The following NTRK3 variants were observed in gnomAD, a reference collection of about 807,000 sequenced individuals.
NTRK3 encodes NT-3 growth factor receptor.
In NTRK3, 24 loss-of-function variants were observed where a neutral mutation model predicts 91.7. The observed-to-expected ratio is 0.26, with a 90% CI of 0.19 to 0.37. NTRK3 has a LOEUF of 0.37. NTRK3 is among the 10% of genes least tolerant of loss of function. The pLI is 1.00. For missense variants in NTRK3, 880 were observed against 1,068.9 expected (o/e 0.82, Z 2.46); for synonymous variants, 483 against 404.0 (o/e 1.20, Z -2.34).
chr15:87,891,753 T>A (rs777998546), intron 17 of NTRK3, among the ~76,000 whole-genome samples: 2 of 152,122 alleles, frequency 1.3e-5, no homozygotes, highest in Non-Finnish European at 2.9e-5. Flanking sequence ...GCACTTTGAT[T>A]GTTTCCAGTC....
chr15:88,061,875 T>G (rs562830860), intron 13 of NTRK3, among the ~76,000 whole-genome samples: 1 of 152,260 alleles, frequency 6.6e-6, no homozygotes, highest in South Asian at 2.1e-4. Context: ...CAGTTTCCTT[T>G]CTGAGCCTCA....
At chr15:88,104,127 T>C (rs971797379) in intron 13 of NTRK3, among the ~76,000 whole-genome samples, 5 of 152,176 alleles carry the variant, frequency 3.3e-5, no homozygotes, top group African/African-American at 1.2e-4. Flanking sequence ...CTTTATAGAA[T>C]ATTTTACTAC....
intron 13 of NTRK3, among the ~76,000 whole-genome samples, chr15:88,088,512 T>C (rs2048714104): frequency 6.6e-6 from 1 of 152,148 alleles, no homozygotes; most frequent in South Asian, 2.1e-4. Context: ...GCAATAATAG[T>C]AGTAATTGTA....
intron 13 of NTRK3, among the ~76,000 whole-genome samples, chr15:88,113,512 C>T (rs534998984): frequency 2.6e-5 from 4 of 152,136 alleles, no homozygotes; most frequent in South Asian, 2.1e-4. Flanking sequence ...GATGGAGTTT[C>T]GCCATGTTGG....
chr15:88,082,755 C>A (rs1001823742), intron 13 of NTRK3, among the ~76,000 whole-genome samples: 5 of 152,158 alleles, frequency 3.3e-5, no homozygotes, highest in Non-Finnish European at 7.3e-5. Context: ...CCCAAGAGAC[C>A]TACAGGTCCC....
Position 87,875,074 on chromosome 15 carries a change from A to G in NTRK3, c.*1861T>C, listed in dbSNP as rs1178007754. 3.5e-5 allele frequency: 8 copies of G among 230,734 alleles called. No homozygotes were observed. In the Admixed American group the frequency reaches 4.5e-4, roughly 13 times the overall value. The allele number at this position is 230,734 out of a possible 1,614,324, so 14.3% of individuals were successfully genotyped here. A position where few individuals can be genotyped will look rare whatever the true frequency, so the allele number is the denominator to read the frequency against. On this transcript the variant is annotated 3_prime_UTR_variant, in exon 19 of 19. Coordinates refer to ENST00000394480, the Ensembl canonical transcript of NTRK3. Reference sequence around the variant, plus strand: ...TACAAAAAGAAGCAAAACCACAAACACATAATTCAGTACTAAACCCCACAT... The same window carrying G: ...TACAAAAAGAAGCAAAACCACAAACGCATAATTCAGTACTAAACCCCACAT...
intron 3 of NTRK3, among the ~76,000 whole-genome samples, chr15:88,246,801 C>A (rs2052871166): frequency 6.6e-6 from 1 of 152,176 alleles, no homozygotes; most frequent in Non-Finnish European, 1.5e-5. Flanking sequence ...TGCAGAGATA[C>A]AATGGAAGCA....
chr15:88,256,646 G>A (rs2054082577), exon 1 of NTRK3: 2 of 410,918 alleles, frequency 4.9e-6, no homozygotes, highest in East Asian at 3.6e-5. Context: ...ACACACACCC[G>A]GAGCCCGAGG....
At chr15:88,052,790 CAAG>C (rs2045343774) in intron 13 of NTRK3, among the ~76,000 whole-genome samples, 1 of 152,004 alleles carries the variant, frequency 6.6e-6, no homozygotes, top group Non-Finnish European at 1.5e-5. Flanking sequence ...TATGACAGGC[CAAG>C]GAGGTGCAGC....
intron 17 of NTRK3, among the ~76,000 whole-genome samples, chr15:87,894,607 T>A (rs1287708105): frequency 6.6e-6 from 1 of 152,112 alleles, no homozygotes; most frequent in Non-Finnish European, 1.5e-5. Flanking sequence ...ATGTGTTCTG[T>A]CTCCAAGCAG....
chr15:88,164,089 C>A (rs1330661114), intron 5 of NTRK3, among the ~76,000 whole-genome samples: 1 of 152,206 alleles, frequency 6.6e-6, no homozygotes, highest in Non-Finnish European at 1.5e-5. Context: ...GTGAACAAGG[C>A]AGCTCCCCAT....
intron 3 of NTRK3, among the ~76,000 whole-genome samples, chr15:88,199,999 A>T (rs2141261130): frequency 6.6e-6 from 1 of 152,270 alleles, no homozygotes; most frequent in Middle Eastern, 3.4e-3. Flanking sequence ...CAGGATTCTC[A>T]CGTCCAACCC....
At chr15:87,930,225 C>A (rs1329591901) in intron 16 of NTRK3, among the ~76,000 whole-genome samples, 1 of 152,140 alleles carries the variant, frequency 6.6e-6, no homozygotes, top group African/African-American at 2.4e-5. Context: ...CCCCCAGAAC[C>A]CATTCCATCC....
intron 14 of NTRK3, among the ~76,000 whole-genome samples, chr15:88,032,439 C>T (rs1229022655): frequency 6.6e-6 from 1 of 152,074 alleles, no homozygotes; most frequent in Non-Finnish European, 1.5e-5. Flanking sequence ...GTACTCACTG[C>T]CCTTTATTCC....
At chr15:88,092,716 G>C (rs2049138871) in intron 13 of NTRK3, among the ~76,000 whole-genome samples, 1 of 152,246 alleles carries the variant, frequency 6.6e-6, no homozygotes. Flanking sequence ...TCTGGGTAGA[G>C]TCTGCTCCTT....
At chr15:87,934,065 A>G (rs114445050) in intron 15 of NTRK3, among the ~76,000 whole-genome samples, 1,839 of 152,292 alleles carry the variant, frequency 0.012, 41 homozygotes, top group African/African-American at 0.042. Flanking sequence ...CCAGAAGGGG[A>G]CTACAAGGCC....
intron 14 of NTRK3, 22 bp from the exon 15 acceptor site, chr15:87,940,775 G>A (rs1429505307): frequency 3.1e-6 from 5 of 1,613,970 alleles, no homozygotes; most frequent in South Asian, 1.1e-5. Flanking sequence ...GGACAAAGAG[G>A]AGGGCAGCAA....
intron 13 of NTRK3, among the ~76,000 whole-genome samples, chr15:88,062,375 CAT>C (rs2046298215): frequency 6.6e-6 from 1 of 152,224 alleles, no homozygotes; most frequent in South Asian, 2.1e-4. Context: ...TAGCTGAGCA[CAT>C]GTCTTCCCAA....
intron 5 of NTRK3, among the ~76,000 whole-genome samples, chr15:88,182,557 C>A (rs924917274): frequency 6.6e-6 from 1 of 152,206 alleles, no homozygotes; most frequent in African/African-American, 2.4e-5. Flanking sequence ...CCCCTCCCCA[C>A]CTGGTTCCTG....
Sources: allele counts gnomAD v4.1 joint callset (sites outside exome capture counted in the v4.1 genomes callset), GRCh38; gene constraint gnomAD v4.1.1; transcripts MANE v1.5; gene names NCBI Gene and HGNC (gene_info 2026-07-23, HGNC 2026-07-21).